The following TANC1 variants were observed in gnomAD, a reference collection of about 807,000 sequenced individuals.
TANC1 encodes tetratricopeptide repeat, ankyrin repeat and coiled-coil containing 1, also known as protein TANC1.
Under a neutral mutation model 149.7 loss-of-function variants are expected in TANC1, and 77 were observed. The observed-to-expected ratio is 0.51, with a 90% confidence interval of 0.43 to 0.62. The LOEUF (loss-of-function observed/expected upper bound fraction) is 0.62, where lower values mean the gene tolerates loss of function less well. Ranked by LOEUF, TANC1 falls within the 20% of genes least tolerant of loss-of-function variation. The pLI is 0.00. For missense variants in TANC1, 1,985 were observed against 2,321.8 expected, an observed-to-expected ratio of 0.85 and a Z score of 2.98; for synonymous variants, 854 against 925.0, an observed-to-expected ratio of 0.92 and a Z score of 1.39.
intron 24 of TANC1, chr2:159,226,493 T>C (rs1158118666): frequency 6.6e-6 from 1 of 152,256 alleles, no homozygotes; most frequent in African/African-American, 2.4e-5. Flanking sequence ...AGAAAAGGGT[T>C]ATTCTGTCTC....
At chr2:159,201,092 T>G (rs1049210634) in intron 19 of TANC1, among the ~76,000 whole-genome samples, 1 of 152,134 alleles carries the variant, frequency 6.6e-6, no homozygotes, top group East Asian at 1.9e-4. Context: ...GTGGACTGCA[T>G]GTCAACAAAA....
At chr2:159,159,691 C>T (rs978602330) in intron 7 of TANC1, among the ~76,000 whole-genome samples, 8 of 117,958 alleles carry the variant, frequency 6.8e-5, no homozygotes, top group African/African-American at 2.5e-4. Flanking sequence ...CATACACATA[C>T]GTGTGTGTGT....
intron 7 of TANC1, among the ~76,000 whole-genome samples, chr2:159,152,684 G>A (rs1380648173): frequency 6.6e-6 from 1 of 152,018 alleles, no homozygotes; most frequent in Non-Finnish European, 1.5e-5. Context: ...ATATTTCACT[G>A]TGTTACCCAG....
At chr2:159,095,117 T>G (rs1003631735) in intron 3 of TANC1, among the ~76,000 whole-genome samples, 1 of 151,992 alleles carries the variant, frequency 6.6e-6, no homozygotes, top group African/African-American at 2.4e-5. Flanking sequence ...AGCTATTTTT[T>G]TTGTATTTTT....
At chr2:158,980,211 A>G (rs559472051) in intron 1 of TANC1, among the ~76,000 whole-genome samples, 1 of 152,116 alleles carries the variant, frequency 6.6e-6, no homozygotes, top group Non-Finnish European at 1.5e-5. Flanking sequence ...CCTTAGATCT[A>G]GTGTTCATTA....
At chr2:159,029,054 C>G (rs2039574997) in intron 2 of TANC1, among the ~76,000 whole-genome samples, 2 of 152,076 alleles carry the variant, frequency 1.3e-5, no homozygotes, top group Non-Finnish European at 2.9e-5. Flanking sequence ...CAGTGCCTAG[C>G]AGAGTTTGAC....
intron 5 of TANC1, among the ~76,000 whole-genome samples, chr2:159,144,969 G>T (rs1319679472): frequency 6.6e-6 from 1 of 152,202 alleles, no homozygotes; most frequent in Non-Finnish European, 1.5e-5. Context: ...TCACATGATA[G>T]TGAACTGACG....
intron 18 of TANC1, among the ~76,000 whole-genome samples, chr2:159,198,313 C>A (rs2058011892): frequency 6.6e-6 from 1 of 152,236 alleles, no homozygotes; most frequent in Non-Finnish European, 1.5e-5. Context: ...ATGTAGACAT[C>A]TTTGGGGGCC....
At chr2:159,218,818 G>A (rs899663592) in intron 20 of TANC1, among the ~76,000 whole-genome samples, 2 of 152,110 alleles carry the variant, frequency 1.3e-5, no homozygotes, top group African/African-American at 2.4e-5. Flanking sequence ...TTCTTTCTGC[G>A]ACCCCCTCAT....
At chr2:159,077,965 C>T (rs1177244457) in intron 3 of TANC1, among the ~76,000 whole-genome samples, 1 of 152,176 alleles carries the variant, frequency 6.6e-6, no homozygotes, top group East Asian at 1.9e-4. Flanking sequence ...TATGATCAAA[C>T]TATTTCATCT....
At chr2:159,049,947 C>T (rs995204871) in intron 2 of TANC1, among the ~76,000 whole-genome samples, 4 of 152,138 alleles carry the variant, frequency 2.6e-5, no homozygotes, top group African/African-American at 9.7e-5. Context: ...TGTGACTTGC[C>T]TGCATACAGG....
chr2:159,004,030 A>T, intron 2 of TANC1: 1 of 1,612,368 alleles, frequency 6.2e-7, no homozygotes, highest in Non-Finnish European at 8.5e-7. Context: ...ATGATTAAAG[A>T]TGATGGGACA....
At chr2:159,136,004 G>T (rs28441654) in intron 4 of TANC1, among the ~76,000 whole-genome samples, 190 bp from the exon 5 acceptor site, 451 of 34,612 alleles carry the variant, frequency 0.013, no homozygotes, top group African/African-American at 0.047. Context: ...CTGAAATTTT[G>T]TGTGTGTGTG....
chr2:159,228,752 G>A (rs1187988963), intron 25 of TANC1, 44 bp from the exon 26 acceptor site: 1 of 1,412,768 alleles, frequency 7.1e-7, no homozygotes, highest in Middle Eastern at 1.8e-4. Flanking sequence ...CCACAATCGT[G>A]TGTCCAGGCT....
intron 19 of TANC1, among the ~76,000 whole-genome samples, chr2:159,201,393 G>A (rs567689371): frequency 2.2e-4 from 34 of 152,346 alleles, no homozygotes; most frequent in African/African-American, 7.7e-4. Flanking sequence ...ATGAGGCATC[G>A]TACAGAGAAC....
intron 3 of TANC1, among the ~76,000 whole-genome samples, chr2:159,073,403 G>GGAA (rs1315122016): frequency 1.3e-5 from 2 of 152,154 alleles, no homozygotes; most frequent in Non-Finnish European, 2.9e-5. Flanking sequence ...CAGAGGAAAG[G>GGAA]GAAGTCAGTC....
chr2:159,194,795 C>T (rs917771050), intron 17 of TANC1, among the ~76,000 whole-genome samples: 2 of 152,200 alleles, frequency 1.3e-5, no homozygotes, highest in Admixed American at 6.5e-5. Flanking sequence ...CTAGAAAGCA[C>T]CAAGATTGGT....
intron 2 of TANC1, among the ~76,000 whole-genome samples, chr2:159,037,729 C>A (rs1339159706): frequency 6.6e-6 from 1 of 152,176 alleles, no homozygotes; most frequent in African/African-American, 2.4e-5. Context: ...TGTTTTGGTA[C>A]CAGTACCATG....
At chr2:158,972,472 C>G (rs1203231231) in intron 1 of TANC1, among the ~76,000 whole-genome samples, 2 of 152,092 alleles carry the variant, frequency 1.3e-5, no homozygotes, top group Non-Finnish European at 2.9e-5. Context: ...TGCAGGTGAC[C>G]CATTTTTGCT....
Sources: allele counts gnomAD v4.1 joint callset (sites outside exome capture counted in the v4.1 genomes callset), GRCh38; gene constraint gnomAD v4.1.1; transcripts MANE v1.5; gene names NCBI Gene and HGNC (gene_info 2026-07-23, HGNC 2026-07-21).